Variants in RSF1 observed in about 807,000 individuals in gnomAD.
RSF1 encodes the protein HBV pX-associated protein 8.
In RSF1, 13 loss-of-function variants were observed where a neutral mutation model predicts 145.2. That is an observed-to-expected ratio of 0.09 (90% confidence interval 0.06 to 0.14). The LOEUF is 0.14. RSF1 is among the 10% of genes least tolerant of loss of function. The pLI, the probability that RSF1 is intolerant of heterozygous loss-of-function variation, is 1.00. For missense variants in RSF1, 1,517 were observed against 1,718.2 expected (o/e 0.88, Z 2.07); for synonymous variants, 577 against 592.6 (o/e 0.97, Z 0.38).
the RSF1 span, among the ~76,000 whole-genome samples, chr11:77,866,985 C>T: frequency 1.3e-5 from 2 of 151,910 alleles, no homozygotes; most frequent in East Asian, 1.9e-4. Context: ...GAATTACAGG[C>T]GCATGTCACC....
the RSF1 span, among the ~76,000 whole-genome samples, chr11:77,844,643 T>C: frequency 6.6e-6 from 1 of 152,198 alleles, no homozygotes; most frequent in Non-Finnish European, 1.5e-5. Context: ...ATTACAGGCA[T>C]GAGCCATCAT....
intron 4 of RSF1, 41 bp from the exon 5 acceptor site, chr11:77,725,740 C>A (rs1242732036): frequency 2.0e-6 from 3 of 1,481,018 alleles, no homozygotes; most frequent in East Asian, 4.9e-5. Flanking sequence ...AAACCTTTTT[C>A]CTGTTCTAGA....
chr11:77,766,219 C>T (rs990839098), intron 1 of RSF1, among the ~76,000 whole-genome samples: 1 of 151,998 alleles, frequency 6.6e-6, no homozygotes, highest in African/African-American at 2.4e-5. Context: ...TTGTGAATAT[C>T]CAAAATAGGT....
At chr11:77,827,103 CAA>C in the RSF1 span, among the ~76,000 whole-genome samples, 1 of 144,190 alleles carries the variant, frequency 6.9e-6, no homozygotes, top group East Asian at 2.1e-4. Flanking sequence ...AAACTCGTCT[CAA>C]AAAAAAAAAA....
chr11:77,799,831 TAAC>T (rs1948609840), intron 1 of RSF1, among the ~76,000 whole-genome samples: 1 of 152,204 alleles, frequency 6.6e-6, no homozygotes, highest in Non-Finnish European at 1.5e-5. Context: ...GGGATAGTAC[TAAC>T]AACCTTACAT....
intron 8 of RSF1, among the ~76,000 whole-genome samples, chr11:77,692,233 A>ATTTTTTATTTTTTTT (rs1960168777): frequency 2.0e-5 from 1 of 49,472 alleles, no homozygotes; most frequent in African/African-American, 1.3e-4. Flanking sequence ...CTACTTTTAA[A>ATTTTTTATTTTTTTT]TTTTTTTTTT....
intron 2 of RSF1, among the ~76,000 whole-genome samples, chr11:77,758,948 T>C (rs1213570249): frequency 2.0e-5 from 3 of 152,246 alleles, no homozygotes; most frequent in Non-Finnish European, 2.9e-5. Context: ...GTTTTAAAAT[T>C]TGACAAAGTC....
chr11:77,847,040 T>A, the RSF1 span, among the ~76,000 whole-genome samples: 2 of 152,158 alleles, frequency 1.3e-5, no homozygotes, highest in African/African-American at 4.8e-5. Context: ...TATGAGCAGG[T>A]TTATGGTTAT....
At chr11:77,740,665 A>G in intron 4 of RSF1, 66 bp downstream of exon 4, 1 of 1,434,702 alleles carries the variant, frequency 7.0e-7, no homozygotes, top group South Asian at 1.2e-5. Context: ...ATAACATCCT[A>G]GTTTTGAAAC....
At chr11:77,860,625 C>G in the RSF1 span, among the ~76,000 whole-genome samples, 1 of 152,172 alleles carries the variant, frequency 6.6e-6, no homozygotes, top group Non-Finnish European at 1.5e-5. Context: ...AGAACTGGCT[C>G]AAGTCTTGGG....
Position 77,675,298 on chromosome 11 carries a change from G to A in RSF1, c.3342-42C>T, listed in dbSNP as rs369995617. 4.0e-6 allele frequency: 6 copies of A among 1,505,616 alleles called. No individual in the cohort carries two copies. In the African/African-American group the frequency reaches 5.6e-5, roughly 14 times the overall value. 93.3% of individuals were successfully genotyped at this position (1,505,616 alleles called of 1,614,324 possible). On this transcript the variant is annotated intron_variant, in intron 13 of 15. Coordinates refer to ENST00000308488, the MANE Select transcript of RSF1 (RefSeq NM_016578.4). ...AGATAAAATACAATGGTATTTAGAA[G>A]AGTGAACCCATTTTTAAGAGTTCTG...
At chr11:77,729,894 G>GAAAAAAAA (rs1565162510) in intron 4 of RSF1, among the ~76,000 whole-genome samples, 1 of 11,776 alleles carries the variant, frequency 8.5e-5, no homozygotes, top group African/African-American at 4.7e-4. Flanking sequence ...TATTCAGTAG[G>GAAAAAAAA]CAAAAAAAAA....
intron 7 of RSF1, among the ~76,000 whole-genome samples, chr11:77,696,853 A>C (rs1960289502): frequency 6.6e-6 from 1 of 152,210 alleles, no homozygotes; most frequent in African/African-American, 2.4e-5. Context: ...AGCTCAAGTC[A>C]TTCTCTGGTT....
intron 15 of RSF1, among the ~76,000 whole-genome samples, chr11:77,669,717 G>A (rs1436900242): frequency 6.6e-6 from 1 of 152,180 alleles, no homozygotes; most frequent in Non-Finnish European, 1.5e-5. Flanking sequence ...TCAGAGGTTA[G>A]CACATTTTTT....
intron 11 of RSF1, among the ~76,000 whole-genome samples, chr11:77,679,500 CT>C: frequency 6.6e-6 from 1 of 151,960 alleles, no homozygotes; most frequent in East Asian, 1.9e-4. Context: ...TGGTGAACCC[CT>C]GTCTCTATAA....
rs1054627646 is a variant in RSF1, at chr11:77,672,084, T to G, written c.3709A>C (p.Arg1237=). 3.1e-6 allele frequency: 5 copies of G among 1,614,064 alleles called. No homozygotes were observed. The highest frequency in any genetic ancestry group is 4.2e-6 in the Non-Finnish European group (5 of 1,179,992). Residue 1237 remains arginine, a synonymous_variant, in exon 15 of 16, where the codon AGG becomes CGG. Transcript: ENST00000308488. ...QKSLRRGKEI[R]RVHKRRLSSS... ...GAAAGTCTTCGCTTGTGTACTCGCCTTATTTCTTTACCACGTCGCAAACTC... is the reference window on the plus strand; with the variant it reads ...GAAAGTCTTCGCTTGTGTACTCGCCGTATTTCTTTACCACGTCGCAAACTC...
chr11:77,819,325 C>G (rs747214893), intron 1 of RSF1, among the ~76,000 whole-genome samples: 1 of 152,222 alleles, frequency 6.6e-6, no homozygotes, highest in Non-Finnish European at 1.5e-5. Context: ...AACAAAAAAG[C>G]CTTCTCTGAG....
At chr11:77,685,855 GTA>G (rs1241786685) in intron 9 of RSF1, among the ~76,000 whole-genome samples, 2 of 152,104 alleles carry the variant, frequency 1.3e-5, no homozygotes, top group African/African-American at 4.8e-5. Flanking sequence ...TTGGGTGTAT[GTA>G]TAAACAATTA....
At chr11:77,804,975 T>C (rs1391399892) in intron 1 of RSF1, among the ~76,000 whole-genome samples, 1 of 152,216 alleles carries the variant, frequency 6.6e-6, no homozygotes, top group African/African-American at 2.4e-5. Flanking sequence ...GTACTTCTCA[T>C]CTACAATGAA....
Sources: gnomAD v4.1 joint callset for allele counts (sites outside exome capture counted in the v4.1 genomes callset) on GRCh38, gnomAD v4.1.1 for gene constraint, MANE v1.5 for transcripts, NCBI Gene and HGNC (gene_info 2026-07-23, HGNC 2026-07-21) for gene names.